ACOT12: variants seen among roughly 807,000 people sequenced by gnomAD.
The protein encoded by ACOT12 is acyl-CoA thioesterase 12.
ACOT12 carries 51 observed loss-of-function variants against 67.7 expected under a neutral mutation model. That is an observed-to-expected ratio of 0.75 (90% CI 0.60 to 0.95). The LOEUF is 0.95. ACOT12 is among the 40% of genes least tolerant of loss of function. ACOT12 has a pLI of 0.00. For missense variants in ACOT12, 734 were observed against 708.1 expected (o/e 1.04, Z -0.41); for synonymous variants, 251 against 244.6 (o/e 1.03, Z -0.24).
At chr5:81,313,995 A>G in the ACOT12 span, among the ~76,000 whole-genome samples, 1 of 152,168 alleles carries the variant, frequency 6.6e-6, no homozygotes, top group Non-Finnish European at 1.5e-5. Flanking sequence ...TCCCATCAGG[A>G]GCAGAGTCTA....
intron 9 of ACOT12, 50 bp downstream of exon 9, chr5:81,344,110 T>C: frequency 6.4e-7 from 1 of 1,574,128 alleles, no homozygotes; most frequent in Non-Finnish European, 8.7e-7. Flanking sequence ...TTATATAATT[T>C]GTCAGATTAA....
At chr5:81,342,577 T>A (rs1759231671) in intron 11 of ACOT12, 95 bp downstream of exon 11, 1 of 1,251,814 alleles carries the variant, frequency 8.0e-7, no homozygotes, top group Admixed American at 2.0e-5. Context: ...TTTGTTACCT[T>A]CTTAAAAGCC....
At chr5:81,366,810 T>C (rs554595022) in intron 3 of ACOT12, among the ~76,000 whole-genome samples, 2 of 152,154 alleles carry the variant, frequency 1.3e-5, no homozygotes, top group East Asian at 3.9e-4. Context: ...AAAAAGTCAG[T>C]GAAGCTGAAG....
intron 5 of ACOT12, among the ~76,000 whole-genome samples, chr5:81,351,986 C>T (rs1050118079): frequency 6.6e-6 from 1 of 152,014 alleles, no homozygotes; most frequent in African/African-American, 2.4e-5. Context: ...ATGCAAATGG[C>T]AAACAGGCAT....
chr5:81,382,759 GCCATCGCACT>G (rs775631009), intron 2 of ACOT12, among the ~76,000 whole-genome samples: 17 of 151,290 alleles, frequency 1.1e-4, no homozygotes, highest in Non-Finnish European at 2.2e-4. Flanking sequence ...CTGAGATTGC[GCCATCGCACT>G]CCAGCCTGGG....
At chr5:81,338,169 C>T (rs1759066391) in intron 11 of ACOT12, among the ~76,000 whole-genome samples, 2 of 152,166 alleles carry the variant, frequency 1.3e-5, no homozygotes, top group Admixed American at 1.3e-4. Flanking sequence ...AAAAAATTTT[C>T]CAGGAACAAT....
At chr5:81,331,061 T>G in intron 13 of ACOT12, 121 bp from the exon 14 acceptor site, 1 of 1,176,514 alleles carries the variant, frequency 8.5e-7, no homozygotes, top group Non-Finnish European at 1.1e-6. Flanking sequence ...GGCCCAGATC[T>G]TCTAGAAGAG....
At chr5:81,319,351 G>A in the ACOT12 span, among the ~76,000 whole-genome samples, 4 of 152,144 alleles carry the variant, frequency 2.6e-5, no homozygotes, top group Non-Finnish European at 5.9e-5. Context: ...TAATTCAATG[G>A]TTTTAGTATA....
rs192476632 is a variant in ACOT12 at position 81,338,421 on chromosome 5, G to A, written c.1129-2520C>T. On this transcript the variant is annotated intron_variant, in intron 11 of 14. Transcript: ENST00000307624. Reference sequence around the variant, plus strand: ...ATGAGATCTGGTTGTTTGAAAGTGTGTGGCACCTCCCCCTCTCTCTTCCTC... The same window carrying A: ...ATGAGATCTGGTTGTTTGAAAGTGTATGGCACCTCCCCCTCTCTCTTCCTC... 5.3e-5 allele frequency among the ~76,000 whole-genome samples: 8 copies of A among 152,204 alleles called. No individual in the cohort carries two copies. The South Asian group carries it at 6.2e-4, about 12-fold the overall frequency.
At chr5:81,392,163 T>C (rs1265418657) in intron 1 of ACOT12, among the ~76,000 whole-genome samples, 2 of 152,138 alleles carry the variant, frequency 1.3e-5, no homozygotes, top group African/African-American at 4.8e-5. Flanking sequence ...CTAGGGGTCA[T>C]AGAAATGCCT....
At chr5:81,321,882 G>T in the ACOT12 span, among the ~76,000 whole-genome samples, 1 of 152,202 alleles carries the variant, frequency 6.6e-6, no homozygotes, top group African/African-American at 2.4e-5. Flanking sequence ...GGGAGGCAAA[G>T]GTTGCGGTGA....
chr5:81,315,425 A>G, the ACOT12 span, among the ~76,000 whole-genome samples: 2 of 152,110 alleles, frequency 1.3e-5, no homozygotes, highest in Admixed American at 6.6e-5. Context: ...TCCTCATCCC[A>G]ATACCTAACA....
In ACOT12 at chr5:81,393,989, C is replaced by T. The variant is rs759502064; in HGVS notation, c.126G>A (p.Ala42=). Residue 42 remains alanine, a splice_region_variant and synonymous_variant, in exon 1 of 15, where the codon GCG becomes GCA. Transcript: ENST00000307624. The part of the protein sequence containing the change: ...LKWIDTTACL[A]AEKHAGVSCV... ...CCCGCAGCCCCGGCGCCCGCCTACC[C>T]GCCAGGCAGGCGGTGGTGTCGATCC... 7.3e-6 allele frequency: 10 copies of T among 1,374,964 alleles called. No homozygotes were observed. The African/African-American group carries it at 1.2e-4, about 17-fold the overall frequency. The allele number at this position is 1,374,964 out of a possible 1,614,324, so 85.2% of individuals were successfully genotyped here.
intron 3 of ACOT12, among the ~76,000 whole-genome samples, chr5:81,370,118 T>C (rs1350378925): frequency 6.6e-6 from 1 of 151,942 alleles, no homozygotes; most frequent in South Asian, 2.1e-4. Context: ...CCATCTCTAC[T>C]AAAAATACAA....
the ACOT12 span, among the ~76,000 whole-genome samples, chr5:81,321,684 G>A: frequency 5.3e-5 from 8 of 152,192 alleles, no homozygotes; most frequent in South Asian, 8.3e-4. Flanking sequence ...AGTGGCTCAC[G>A]CCTATAATCC....
At chr5:81,329,704 T>C (rs1758755375), downstream of ACOT12, among the ~76,000 whole-genome samples, 1 of 152,232 alleles carries the variant, frequency 6.6e-6, no homozygotes, top group Non-Finnish European at 1.5e-5. Context: ...AAAGTGCTAA[T>C]GTAATGGTTA....
chr5:81,375,243 G>A (rs896374943), intron 2 of ACOT12, among the ~76,000 whole-genome samples: 1 of 152,124 alleles, frequency 6.6e-6, no homozygotes, highest in Non-Finnish European at 1.5e-5. Flanking sequence ...GGCAAACTAA[G>A]CTTCATAAGC....
chr5:81,325,512 G>C (rs1580517143), downstream of ACOT12, among the ~76,000 whole-genome samples: 1 of 152,274 alleles, frequency 6.6e-6, no homozygotes, highest in East Asian at 1.9e-4. Context: ...GTTTTCCAGG[G>C]AGTGATTATA....
chr5:81,331,664 A>G (rs1291755878), intron 13 of ACOT12, among the ~76,000 whole-genome samples: 1 of 152,264 alleles, frequency 6.6e-6, no homozygotes, highest in African/African-American at 2.4e-5. Flanking sequence ...CCTAGAAGTG[A>G]ACACGCTTAA....
Sources: allele counts gnomAD v4.1 joint callset (sites outside exome capture counted in the v4.1 genomes callset), GRCh38; gene constraint gnomAD v4.1.1; transcripts MANE v1.5; gene names NCBI Gene and HGNC (gene_info 2026-07-23, HGNC 2026-07-21).